The following HIF1AN variants were observed in gnomAD, a reference collection of about 807,000 sequenced individuals.
HIF1AN encodes hypoxia inducible factor 1 subunit alpha inhibitor, also known as hypoxia-inducible factor 1-alpha inhibitor.
HIF1AN carries 21 observed loss-of-function variants against 47.7 expected under a neutral mutation model. That is an observed-to-expected ratio of 0.44 (90% CI 0.31 to 0.63). The LOEUF is 0.63. Among genes scored for constraint, HIF1AN ranks in the 30% least tolerant of loss-of-function variants. The probability of loss-of-function intolerance (pLI) is 0.07; values close to 1 mark genes in which losing one functional copy is unlikely to be tolerated. For synonymous variants in HIF1AN, 152 were observed against 155.9 expected (o/e 0.98, Z 0.18); for missense variants, 320 against 432.7 (o/e 0.74, Z 2.31).
chr10:100,542,965 G>A (rs573863551), intron 3 of HIF1AN, among the ~76,000 whole-genome samples: 1 of 145,882 alleles, frequency 6.9e-6, no homozygotes, highest in African/African-American at 2.5e-5. Context: ...TTTATTTCTC[G>A]CAGTAGCTCA....
At position 100,557,175 on chromosome 10, in the gene HIF1AN, A is replaced by G. The variant is rs1166557661; in HGVS notation, c.*9038A>G. The G allele has an allele frequency of 6.6e-6, 1 of 152,310 alleles. No homozygotes were observed. The highest frequency in any genetic ancestry group is 1.5e-5 in the Non-Finnish European group (1 of 68,138). 9.4% of individuals were successfully genotyped at this position (152,310 alleles called of 1,614,324 possible). ...TCTGATTCCCAGAAGAGTAAAGGAA[A>G]TGGGGCAGGAGGATGTCTGTGGAGG... On this transcript the variant is annotated 3_prime_UTR_variant, in exon 8 of 8. Coordinates refer to ENST00000299163, the MANE Select transcript of HIF1AN (RefSeq NM_017902.3).
rs10883512 is a variant in HIF1AN at position 100,548,759 on chromosome 10, A to G, written c.*622A>G. ...AGGGGAGGCTTGCCTTTGAGAGCCT[A>G]TATAGCCTTCCTGTGAGAGAGGATT... On this transcript the variant is annotated 3_prime_UTR_variant, in exon 8 of 8. Transcript: ENST00000299163. The G allele has an allele frequency of 0.2, 30,907 of 152,736 alleles. 3,244 individuals carry two copies. Among genetic ancestry groups the G allele is most frequent in the South Asian group, 0.23 (1,103 of 4,822 alleles). 9.5% of individuals were successfully genotyped at this position (152,736 alleles called of 1,614,324 possible).
rs1267044343 is a variant in HIF1AN, at chr10:100,558,271, T to TA, written c.*10135dup. ...AATTGTGACCAGAAGTCAAAGTTGT[T>TA]ACAGCAATCCTGCATTCAACCAGGT... On this transcript the variant is annotated 3_prime_UTR_variant, in exon 8 of 8. Coordinates refer to ENST00000299163, the MANE Select transcript of HIF1AN (RefSeq NM_017902.3). 7.9e-5 allele frequency: 12 copies of TA among 152,324 alleles called. No homozygotes were observed. Among genetic ancestry groups the TA allele is most frequent in the Admixed American group, 7.2e-4 (11 of 15,304 alleles). The allele number at this position is 152,324 out of a possible 1,614,324, so 9.4% of individuals were successfully genotyped here.
At chr10:100,545,182 A>G in intron 4 of HIF1AN, 86 bp downstream of exon 4, 17 of 1,427,126 alleles carry the variant, frequency 1.2e-5, no homozygotes, top group Non-Finnish European at 1.6e-5. Flanking sequence ...CCCCGTAGTG[A>G]TATGCCAGGT....
chr10:100,552,264 G>C lies in HIF1AN; in HGVS notation c.*4127G>C, dbSNP rs1843169252. On this transcript the variant is annotated 3_prime_UTR_variant, in exon 8 of 8. Transcript: ENST00000299163. ...AAGGATGAAGGAATGCGGGTTGGTG[G>C]TTCTCTCTTTCAGAATGGGAACTTC... The C allele has an allele frequency of 1.3e-5, 2 of 152,226 alleles. No homozygotes were observed. Among genetic ancestry groups the C allele is most frequent in the African/African-American group, 4.8e-5 (2 of 41,450 alleles). The allele number at this position is 152,226 out of a possible 1,614,324, so 9.4% of individuals were successfully genotyped here. A position where few individuals can be genotyped will look rare whatever the true frequency, so the allele number is the denominator to read the frequency against.
intron 7 of HIF1AN, 65 bp downstream of exon 7, chr10:100,547,315 C>T (rs1238896868): frequency 1.1e-6 from 1 of 908,602 alleles, no homozygotes; most frequent in Non-Finnish European, 1.8e-6. Flanking sequence ...ATCAGAGCGA[C>T]ATTCTTTACA....
In HIF1AN at chr10:100,559,100, AGTGGT is replaced by A. The variant is rs1259126522; in HGVS notation, c.*10964_*10968del. On this transcript the variant is annotated 3_prime_UTR_variant, in exon 8 of 8. Coordinates refer to ENST00000299163, the MANE Select transcript of HIF1AN (RefSeq NM_017902.3). ...CACTCTGTTGCCCAGGCTGGAGTAC[AGTGGT>A]ACAATCATTGCTAAGTCTTTCTGTA... The A allele has an allele frequency of 6.6e-6, 1 of 151,716 alleles. No individual in the cohort carries two copies. Among genetic ancestry groups the A allele is most frequent in the Non-Finnish European group, 1.5e-5 (1 of 67,966 alleles). 9.4% of individuals were successfully genotyped at this position (151,716 alleles called of 1,614,324 possible).
In HIF1AN at chr10:100,548,166, G is replaced by C; in HGVS notation, c.*29G>C. 6.3e-7 allele frequency: 1 copy of C among 1,592,532 alleles called. No homozygotes were observed. The highest frequency in any genetic ancestry group is 8.6e-7 in the Non-Finnish European group (1 of 1,168,206). Reference sequence around the variant, plus strand: ...GCCAGGGGTCAAGGCCTCCTGCCAGGTGACTGCTATCCCGTCCACACCGCT... The same window carrying C: ...GCCAGGGGTCAAGGCCTCCTGCCAGCTGACTGCTATCCCGTCCACACCGCT... On this transcript the variant is annotated 3_prime_UTR_variant, in exon 8 of 8. Transcript: ENST00000299163.
In HIF1AN at chr10:100,548,365, C is replaced by G; in HGVS notation, c.*228C>G. The G allele has an allele frequency of 2.1e-6, 1 of 485,534 alleles. No individual in the cohort carries two copies. The highest frequency in any genetic ancestry group is 3.6e-6 in the Non-Finnish European group (1 of 275,498). The allele number at this position is 485,534 out of a possible 1,614,324, so 30.1% of individuals were successfully genotyped here. Reference sequence around the variant, plus strand: ...CCTCTTGTGCCCCAGCACCTTCTCTCTCTGCCCCCCGCCTAAAGTCCTGCA... The same window carrying G: ...CCTCTTGTGCCCCAGCACCTTCTCTGTCTGCCCCCCGCCTAAAGTCCTGCA... On this transcript the variant is annotated 3_prime_UTR_variant, in exon 8 of 8. Transcript: ENST00000299163.
At position 100,536,479 on chromosome 10, in the gene HIF1AN, A is replaced by G. The variant is rs1852222920; in HGVS notation, c.246A>G (p.Gln82=). ...PALKWDLEYL[Q]ENIGNGDFSV... ...TGAAATGGGACCTTGAATACCTGCAAGAGAATATTGGCAATGGAGACTTCT... is the reference window on the plus strand; with the variant it reads ...TGAAATGGGACCTTGAATACCTGCAGGAGAATATTGGCAATGGAGACTTCT... Residue 82 remains glutamine, a synonymous_variant, in exon 2 of 8, where the codon CAA becomes CAG. Transcript: ENST00000299163. The G allele has an allele frequency of 6.2e-7, 1 of 1,614,074 alleles. No individual in the cohort carries two copies. Among genetic ancestry groups the G allele is most frequent in the Admixed American group, 1.7e-5 (1 of 59,998 alleles).
At chr10:100,548,044 A>G (rs41291444) in intron 7 of HIF1AN, 49 bp from the exon 8 acceptor site, 879 of 1,578,386 alleles carry the variant, frequency 5.6e-4, no homozygotes, top group Non-Finnish European at 7.0e-4. Context: ...GTCCAATTCC[A>G]GGGCCAGGGA....
rs543751396 is a variant in HIF1AN, at chr10:100,552,525, C to T, written c.*4388C>T. 2 of 152,634 alleles carry T rather than the reference C, an allele frequency of 1.3e-5. No homozygotes were observed. The highest frequency in any genetic ancestry group is 4.1e-4 in the South Asian group (2 of 4,834). 9.5% of individuals were successfully genotyped at this position (152,634 alleles called of 1,614,324 possible). On this transcript the variant is annotated 3_prime_UTR_variant, in exon 8 of 8. Transcript: ENST00000299163. ...ACCTTCAGCTGCTTGTCTTCCACTG[C>T]CTGCATACTTCTCTGATGTCTTCTC...
At position 100,558,868 on chromosome 10, in the gene HIF1AN, G is replaced by T. The variant is rs750846197; in HGVS notation, c.*10731G>T. On this transcript the variant is annotated 3_prime_UTR_variant, in exon 8 of 8. Coordinates refer to ENST00000299163, the MANE Select transcript of HIF1AN (RefSeq NM_017902.3). ...ATGGAGGACTTAGGATGAAGAACAG[G>T]TGTGTTTAAAAACATCAAACCCCCA... 6.6e-6 allele frequency: 1 copy of T among 152,194 alleles called. No homozygotes were observed. Among genetic ancestry groups the T allele is most frequent in the African/African-American group, 2.4e-5 (1 of 41,450 alleles). 9.4% of individuals were successfully genotyped at this position (152,194 alleles called of 1,614,324 possible). A position where few individuals can be genotyped will look rare whatever the true frequency, so the allele number is the denominator to read the frequency against.
At chr10:100,539,626 G>T (rs1277538698) in intron 2 of HIF1AN, among the ~76,000 whole-genome samples, 1 of 152,232 alleles carries the variant, frequency 6.6e-6, no homozygotes, top group Non-Finnish European at 1.5e-5. Flanking sequence ...CTACTATCTA[G>T]AACTTTGGAG....
rs1001052550 is a variant in HIF1AN, at chr10:100,551,204, A to G, written c.*3067A>G. On this transcript the variant is annotated 3_prime_UTR_variant, in exon 8 of 8. Coordinates refer to ENST00000299163, the MANE Select transcript of HIF1AN (RefSeq NM_017902.3). ...TGCCTGGGGGAGACCAGCTTCCCCT[A>G]CAAATCAGAGCTCTAAATTACAAGG... The G allele has an allele frequency of 2.0e-5, 3 of 152,220 alleles. No individual in the cohort carries two copies. Among genetic ancestry groups the G allele is most frequent in the African/African-American group, 7.2e-5 (3 of 41,450 alleles). 9.4% of individuals were successfully genotyped at this position (152,220 alleles called of 1,614,324 possible).
chr10:100,549,408 G>C lies in HIF1AN; in HGVS notation c.*1271G>C, dbSNP rs1300305874. The stretch of plus-strand genomic sequence containing the variant: ...ATTCACTACCTGTGATCCACCTCAG[G>C]GCACGGGCAAACACATAGGCTTGCG... On this transcript the variant is annotated 3_prime_UTR_variant, in exon 8 of 8. Transcript: ENST00000299163. 1 of 152,226 alleles carries C rather than the reference G, an allele frequency of 6.6e-6. No individual in the cohort carries two copies. Among genetic ancestry groups the C allele is most frequent in the Non-Finnish European group, 1.5e-5 (1 of 68,114 alleles). The allele number at this position is 152,226 out of a possible 1,614,324, so 9.4% of individuals were successfully genotyped here.
Position 100,557,743 on chromosome 10 carries a change from C to T in HIF1AN, c.*9606C>T, listed in dbSNP as rs1413086804. 1 of 152,164 alleles carries T rather than the reference C, an allele frequency of 6.6e-6. No individual in the cohort carries two copies. The highest frequency in any genetic ancestry group is 1.9e-4 in the East Asian group (1 of 5,196). 9.4% of individuals were successfully genotyped at this position (152,164 alleles called of 1,614,324 possible). ...ACAGGTGCGAGCTACCACACCTGGC[C>T]CTGGATTTCTTAATAGGTCCTCTTA... On this transcript the variant is annotated 3_prime_UTR_variant, in exon 8 of 8. Coordinates refer to ENST00000299163, the MANE Select transcript of HIF1AN (RefSeq NM_017902.3).
intron 3 of HIF1AN, among the ~76,000 whole-genome samples, chr10:100,542,179 C>T (rs935564991): frequency 6.6e-6 from 1 of 151,442 alleles, no homozygotes; most frequent in Non-Finnish European, 1.5e-5. Flanking sequence ...GCTGCTCCAT[C>T]ATAATCTTAT....
chr10:100,548,380 A>G lies in HIF1AN; in HGVS notation c.*243A>G. The G allele has an allele frequency of 4.2e-6, 2 of 476,656 alleles. No homozygotes were observed. The highest frequency in any genetic ancestry group is 2.0e-5 in the African/African-American group (1 of 50,186). The allele number at this position is 476,656 out of a possible 1,614,324, so 29.5% of individuals were successfully genotyped here. A position where few individuals can be genotyped will look rare whatever the true frequency, so the allele number is the denominator to read the frequency against. On this transcript the variant is annotated 3_prime_UTR_variant, in exon 8 of 8. Transcript: ENST00000299163. ...CACCTTCTCTCTCTGCCCCCCGCCT[A>G]AAGTCCTGCATTCAGTGTGTGGAGT...
Sources: allele counts gnomAD v4.1 joint callset (sites outside exome capture counted in the v4.1 genomes callset), GRCh38; gene constraint gnomAD v4.1.1; transcripts MANE v1.5; gene names NCBI Gene and HGNC (gene_info 2026-07-23, HGNC 2026-07-21).